Variants in RANBP17 observed in about 807,000 individuals in gnomAD.
The protein encoded by RANBP17 is RAN binding protein 17, also known as ran-binding protein 17.
Under a neutral mutation model 141.2 loss-of-function variants are expected in RANBP17, and 158 were observed. The observed-to-expected ratio is 1.12, with a 90% confidence interval of 0.98 to 1.28. The LOEUF (loss-of-function observed/expected upper bound fraction) is 1.28. Among genes scored for constraint, RANBP17 ranks in the 50% most tolerant of loss-of-function variants. RANBP17 has a pLI of 0.00. For missense variants in RANBP17, 1,438 were observed against 1,290.7 expected (o/e 1.11, Z -1.75); for synonymous variants, 430 against 450.0 (o/e 0.96, Z 0.56).
chr5:171,147,373 G>GTGTGTGTGTGTC (rs1268289192), intron 14 of RANBP17, among the ~76,000 whole-genome samples: 147 of 143,758 alleles, frequency 1.0e-3, no homozygotes, highest in Non-Finnish European at 2.0e-3. Flanking sequence ...GTGTGTGTGT[G>GTGTGTGTGTGTC]TGTGTGTGGT....
intron 5 of RANBP17, among the ~76,000 whole-genome samples, chr5:170,909,018 A>G (rs1432792224): frequency 6.6e-6 from 1 of 151,902 alleles, no homozygotes; most frequent in Non-Finnish European, 1.5e-5. Flanking sequence ...GGAAATACTA[A>G]TGGTATGAAT....
At chr5:171,002,673 C>A (rs1779296857) in intron 14 of RANBP17, among the ~76,000 whole-genome samples, 1 of 152,022 alleles carries the variant, frequency 6.6e-6, no homozygotes, top group Admixed American at 6.6e-5. Flanking sequence ...TGGAAGGGGG[C>A]AGAATGGTAG....
At chr5:170,891,342 T>A (rs908612079) in intron 3 of RANBP17, among the ~76,000 whole-genome samples, 1 of 152,172 alleles carries the variant, frequency 6.6e-6, no homozygotes, top group Non-Finnish European at 1.5e-5. Context: ...GGGTTGCAGC[T>A]TGTGAGTTAT....
chr5:171,059,596 G>T (rs1351409867), intron 14 of RANBP17, among the ~76,000 whole-genome samples: 1 of 151,926 alleles, frequency 6.6e-6, no homozygotes, highest in African/African-American at 2.4e-5. Flanking sequence ...GTCAGGTAGC[G>T]TGATGCCTCC....
intron 14 of RANBP17, among the ~76,000 whole-genome samples, chr5:171,086,917 C>T (rs1445782251): frequency 7.3e-6 from 1 of 137,844 alleles, no homozygotes; most frequent in Non-Finnish European, 1.6e-5. Context: ...AAAACCAGCT[C>T]CTGGATTCAT....
chr5:171,003,933 T>G (rs568211856), intron 14 of RANBP17, among the ~76,000 whole-genome samples: 1 of 152,234 alleles, frequency 6.6e-6, no homozygotes, highest in African/African-American at 2.4e-5. Flanking sequence ...AAAGAGTGTA[T>G]GGGTTGGGCA....
At chr5:171,224,863 C>G (rs1360263562) in intron 22 of RANBP17, among the ~76,000 whole-genome samples, 1 of 152,176 alleles carries the variant, frequency 6.6e-6, no homozygotes, top group Non-Finnish European at 1.5e-5. Flanking sequence ...ATTTACCATA[C>G]ATTACCCTGT....
rs1784064476 is a variant in RANBP17 at position 171,063,496 on chromosome 5, C to G, written c.1710+95119C>G. On this transcript the variant is annotated intron_variant, in intron 14 of 27. Transcript: ENST00000523189. ...AGCAGATTTTCGTGAACCGCGAATG[C>G]TGCTGTCTGATCGTTCCTCTGGAAT... Among the ~76,000 whole-genome samples the G allele has an allele frequency of 2.6e-5, 4 of 152,186 alleles. 1 individual carries two copies. The highest frequency in any genetic ancestry group is 2.0e-4 in the Admixed American group (3 of 15,280).
At chr5:170,928,782 T>C (rs369691371) in intron 12 of RANBP17, among the ~76,000 whole-genome samples, 2 of 144,524 alleles carry the variant, frequency 1.4e-5, no homozygotes, top group African/African-American at 2.5e-5. Context: ...TTTTTTTTTT[T>C]CAAAACCGTT....
At chr5:170,875,219 C>T (rs1218489990) in intron 1 of RANBP17, among the ~76,000 whole-genome samples, 1 of 152,170 alleles carries the variant, frequency 6.6e-6, no homozygotes, top group Non-Finnish European at 1.5e-5. Flanking sequence ...ATGGGCTTCC[C>T]TTTGTAGGTG....
intron 14 of RANBP17, among the ~76,000 whole-genome samples, chr5:171,092,365 G>C (rs1020946057): frequency 2.0e-5 from 3 of 152,168 alleles, no homozygotes; most frequent in African/African-American, 7.2e-5. Context: ...TTCTGTTGCA[G>C]TGACTCATAC....
chr5:171,254,314 A>ACCAATCTT (rs1197193796), intron 24 of RANBP17, among the ~76,000 whole-genome samples: 1 of 152,048 alleles, frequency 6.6e-6, no homozygotes, highest in African/African-American at 2.4e-5. Flanking sequence ...GTGGTGGTAT[A>ACCAATCTT]CCAATCTTTA....
At chr5:171,116,094 A>G (rs927526282) in intron 14 of RANBP17, among the ~76,000 whole-genome samples, 5 of 152,248 alleles carry the variant, frequency 3.3e-5, no homozygotes, top group Non-Finnish European at 7.3e-5. Flanking sequence ...AGAGAATTAA[A>G]GACAGGTAAA....
intron 13 of RANBP17, among the ~76,000 whole-genome samples, chr5:170,967,625 GAAT>G (rs1355238631): frequency 3.3e-5 from 5 of 150,896 alleles, no homozygotes; most frequent in African/African-American, 9.7e-5. Flanking sequence ...TAATAGTTTT[GAAT>G]AATAATAGAA....
chr5:171,093,527 T>C (rs928480995), intron 14 of RANBP17, among the ~76,000 whole-genome samples: 2 of 152,230 alleles, frequency 1.3e-5, no homozygotes, highest in Non-Finnish European at 2.9e-5. Flanking sequence ...AGAGGGAAGC[T>C]TCTGGAAAAG....
At chr5:171,205,827 G>T in intron 20 of RANBP17, 1 of 647,770 alleles carries the variant, frequency 1.5e-6, no homozygotes, top group Non-Finnish European at 2.8e-6. Context: ...TTTTGGTGCC[G>T]TTAAATATTG....
At chr5:170,967,421 A>T (rs1272826174) in intron 13 of RANBP17, among the ~76,000 whole-genome samples, 1 of 152,068 alleles carries the variant, frequency 6.6e-6, no homozygotes, top group Non-Finnish European at 1.5e-5. Context: ...CTTCTGTCTC[A>T]AAAAATTATT....
At chr5:170,968,187 T>C in intron 13 of RANBP17, 55 bp from the exon 14 acceptor site, 1 of 1,263,830 alleles carries the variant, frequency 7.9e-7, no homozygotes, top group Non-Finnish European at 1.1e-6. Flanking sequence ...TGTTTTAATG[T>C]TGTTTCTCTA....
chr5:171,030,768 G>A (rs1442739370), intron 14 of RANBP17, among the ~76,000 whole-genome samples: 1 of 151,988 alleles, frequency 6.6e-6, no homozygotes, highest in Non-Finnish European at 1.5e-5. Flanking sequence ...AAAGACTTAG[G>A]AAGTAGCACA....
Sources: gnomAD v4.1 joint callset for allele counts (sites outside exome capture counted in the v4.1 genomes callset) on GRCh38, gnomAD v4.1.1 for gene constraint, MANE v1.5 for transcripts, NCBI Gene and HGNC (gene_info 2026-07-23, HGNC 2026-07-21) for gene names.